Variants in NXNL2 observed in about 807,000 individuals in gnomAD.
NXNL2 encodes nucleoredoxin-like protein 2.
NXNL2 carries 7 observed loss-of-function variants against 11.1 expected under a neutral mutation model. That is an observed-to-expected ratio of 0.63 (90% CI 0.36 to 1.18). The LOEUF (loss-of-function observed/expected upper bound fraction) is 1.18, where lower values mean the gene tolerates loss of function less well. Among genes scored for constraint, NXNL2 ranks in the 50% most tolerant of loss-of-function variants. NXNL2 has a pLI of 0.02. For missense variants in NXNL2, 233 were observed against 217.7 expected, an observed-to-expected ratio of 1.07 and a Z score of -0.44; for synonymous variants, 109 against 101.8, an observed-to-expected ratio of 1.07 and a Z score of -0.42.
chr9:88,583,439 T>C (rs2118563919), intron 1 of NXNL2, among the ~76,000 whole-genome samples: 1 of 152,330 alleles, frequency 6.6e-6, no homozygotes, highest in Non-Finnish European at 1.5e-5. Context: ...TGACGCTGCA[T>C]GGTAATCTGG....
At chr9:88,581,339 CA>C (rs879321620) in intron 1 of NXNL2, among the ~76,000 whole-genome samples, 2 of 152,218 alleles carry the variant, frequency 1.3e-5, no homozygotes, top group Non-Finnish European at 2.9e-5. Flanking sequence ...CAATGACCTC[CA>C]ACACCCAGTG....
chr9:88,577,444 A>T (rs1348566006), downstream of NXNL2, among the ~76,000 whole-genome samples: 1 of 152,118 alleles, frequency 6.6e-6, no homozygotes, highest in Non-Finnish European at 1.5e-5. Context: ...GTGCCAGCTC[A>T]GGCTGCCTCA....
rs560011494 is a variant in NXNL2 at position 88,572,520 on chromosome 9, C to A, written c.*16+1312C>A. 9.2e-5 allele frequency among the ~76,000 whole-genome samples: 14 copies of A among 152,296 alleles called. No individual in the cohort carries two copies. The East Asian group carries it at 2.7e-3, about 30-fold the overall frequency. On this transcript the variant is annotated intron_variant, in intron 2 of 2. Transcript: ENST00000375855. Reference sequence around the variant, plus strand: ...AGTCACACATGTGACGAATGACGGGCCTTTGGAGACGCCCTCAGACTGGGT... The same window carrying A: ...AGTCACACATGTGACGAATGACGGGACTTTGGAGACGCCCTCAGACTGGGT...
At position 88,535,282 on chromosome 9, in the gene NXNL2, C is replaced by T. The variant is rs1412994899; in HGVS notation, c.-153C>T. 2 of 684,426 alleles carry T rather than the reference C, an allele frequency of 2.9e-6. No individual in the cohort carries two copies. Among genetic ancestry groups the T allele is most frequent in the South Asian group, 2.0e-5 (1 of 50,838 alleles). The allele number at this position is 684,426 out of a possible 1,614,324, so 42.4% of individuals were successfully genotyped here. The stretch of plus-strand genomic sequence containing the variant: ...GCTCCAGCCACAGGCGAGGCCTGGC[C>T]AAGGTGTGGGCGCATCTGGGGCAGG... On this transcript the variant is annotated 5_prime_UTR_variant, in exon 1 of 2. Coordinates refer to ENST00000375854, the MANE Select transcript of NXNL2 (RefSeq NM_001161625.2).
intron 1 of NXNL2, chr9:88,539,802 C>T (rs1468641597): frequency 6.6e-6 from 1 of 152,166 alleles, no homozygotes; most frequent in Non-Finnish European, 1.5e-5. Flanking sequence ...ATTCTCCTGC[C>T]TCAGCCTCCC....
chr9:88,535,203 AGGTATCTGG>A lies in NXNL2; in HGVS notation c.-228_-220del, dbSNP rs1211910538. 1 of 525,500 alleles carries A rather than the reference AGGTATCTGG, an allele frequency of 1.9e-6. No individual in the cohort carries two copies. 32.6% of individuals were successfully genotyped at this position (525,500 alleles called of 1,614,324 possible). ...AGAGGCGGGTGCCGCGCTGTCGCCCAGGTATCTGGGGTCTCTGGTGTCTGAGTGTCTCAT... is the reference window on the plus strand; with the variant it reads ...AGAGGCGGGTGCCGCGCTGTCGCCCAGGTCTCTGGTGTCTGAGTGTCTCAT... On this transcript the variant is annotated 5_prime_UTR_variant, in exon 1 of 2. Transcript: ENST00000375854.
chr9:88,569,981 T>C (rs1052397541), intron 1 of NXNL2, among the ~76,000 whole-genome samples: 1 of 152,158 alleles, frequency 6.6e-6, no homozygotes, highest in African/African-American at 2.4e-5. Context: ...GCAGGGCGCC[T>C]CATGTCTGCA....
At chr9:88,549,582 T>C (rs561477605), downstream of NXNL2, among the ~76,000 whole-genome samples, 1 of 152,294 alleles carries the variant, frequency 6.6e-6, no homozygotes. Context: ...TCTTTGTTAT[T>C]GTTGAGAGAT....
intron 1 of NXNL2, among the ~76,000 whole-genome samples, chr9:88,582,455 A>C (rs921211516): frequency 9.9e-5 from 15 of 152,108 alleles, no homozygotes; most frequent in Admixed American, 2.0e-4. Context: ...GGCGACAGAG[A>C]GAGACTTCAT....
chr9:88,574,994 C>A, intron 2 of NXNL2: 1 of 204,994 alleles, frequency 4.9e-6, no homozygotes, highest in Non-Finnish European at 8.6e-6. Flanking sequence ...TTTTGTAGGA[C>A]TCTTTGATTT....
Position 88,544,854 on chromosome 9 carries a change from T to C in NXNL2, c.*307T>C. 9.5e-7 allele frequency: 1 copy of C among 1,057,678 alleles called. No individual in the cohort carries two copies. Among genetic ancestry groups the C allele is most frequent in the Non-Finnish European group, 1.1e-6 (1 of 875,444 alleles). 65.5% of individuals were successfully genotyped at this position (1,057,678 alleles called of 1,614,324 possible). The stretch of plus-strand genomic sequence containing the variant: ...TTGGAAATCTATGCAAGACATTTAT[T>C]TGTACAAGTCTCTTCAGGTAAAATA... On this transcript the variant is annotated 3_prime_UTR_variant, in exon 2 of 2. Coordinates refer to ENST00000375854, the MANE Select transcript of NXNL2 (RefSeq NM_001161625.2).
At chr9:88,537,354 G>A (rs947861022) in intron 1 of NXNL2, among the ~76,000 whole-genome samples, 2 of 152,150 alleles carry the variant, frequency 1.3e-5, no homozygotes, top group African/African-American at 2.4e-5. Context: ...GGAGGTCATC[G>A]CTTGGGGCCA....
chr9:88,562,790 C>T (rs2118502127), intron 1 of NXNL2, among the ~76,000 whole-genome samples: 1 of 150,264 alleles, frequency 6.7e-6, no homozygotes, highest in Non-Finnish European at 1.5e-5. Context: ...AAGAGACATA[C>T]AAATAGTAGG....
chr9:88,580,012 C>T (rs569799462), downstream of NXNL2, among the ~76,000 whole-genome samples: 38 of 151,918 alleles, frequency 2.5e-4, 1 homozygote, highest in Non-Finnish European at 7.4e-5. Context: ...TGGTGGCACA[C>T]GCCTGTAGTC....
chr9:88,562,385 C>T (rs1303967470), intron 1 of NXNL2, among the ~76,000 whole-genome samples: 1 of 151,968 alleles, frequency 6.6e-6, no homozygotes, highest in Admixed American at 6.6e-5. Flanking sequence ...GGTGTGTTCA[C>T]TTCGTGAAAA....
chr9:88,537,210 C>T (rs1829644146), intron 1 of NXNL2, among the ~76,000 whole-genome samples: 1 of 152,168 alleles, frequency 6.6e-6, no homozygotes, highest in East Asian at 1.9e-4. Context: ...AGTCTATTGC[C>T]CCATTTTACA....
At position 88,535,188 on chromosome 9, in the gene NXNL2, G is replaced by T. The variant is rs1587836885; in HGVS notation, c.-247G>T. On this transcript the variant is annotated 5_prime_UTR_variant, in exon 1 of 2. Transcript: ENST00000375854. The stretch of plus-strand genomic sequence containing the variant: ...GCTGGCCCCGCTCCCAGAGGCGGGT[G>T]CCGCGCTGTCGCCCAGGTATCTGGG... The T allele has an allele frequency of 1.1e-5, 6 of 527,014 alleles. No individual in the cohort carries two copies. The highest frequency in any genetic ancestry group is 2.0e-5 in the Non-Finnish European group (6 of 302,798). 32.6% of individuals were successfully genotyped at this position (527,014 alleles called of 1,614,324 possible).
intron 1 of NXNL2, among the ~76,000 whole-genome samples, chr9:88,541,562 C>T (rs1226233711): frequency 6.6e-6 from 1 of 152,158 alleles, no homozygotes; most frequent in African/African-American, 2.4e-5. Flanking sequence ...TGCCCAGGCT[C>T]GGTAGAGATT....
At chr9:88,564,631 G>T (rs1295068856) in intron 1 of NXNL2, among the ~76,000 whole-genome samples, 1 of 152,022 alleles carries the variant, frequency 6.6e-6, no homozygotes, top group Admixed American at 6.6e-5. Flanking sequence ...GGTCAGGCTG[G>T]TCTTGAACTC....
Sources: gnomAD v4.1 joint callset for allele counts (sites outside exome capture counted in the v4.1 genomes callset) on GRCh38, gnomAD v4.1.1 for gene constraint, MANE v1.5 for transcripts, NCBI Gene and HGNC (gene_info 2026-07-23, HGNC 2026-07-21) for gene names.